CLNK: variants seen among roughly 807,000 people sequenced by gnomAD.
CLNK encodes cytokine dependent hematopoietic cell linker, also known as cytokine-dependent hematopoietic cell linker.
A neutral mutation model predicts 68.6 loss-of-function variants in CLNK; 74 were observed. The observed-to-expected ratio is 1.08, with a 90% CI of 0.89 to 1.31. The LOEUF (loss-of-function observed/expected upper bound fraction) is 1.31, where lower values mean the gene tolerates loss of function less well. Among genes scored for constraint, CLNK ranks in the 50% most tolerant of loss-of-function variants. The probability of loss-of-function intolerance (pLI) is 0.00; values close to 1 mark genes in which losing one functional copy is unlikely to be tolerated. For synonymous variants in CLNK, 198 were observed against 172.2 expected (o/e 1.15, Z -1.17); for missense variants, 553 against 515.3 (o/e 1.07, Z -0.71).
At chr4:10,679,970 G>C (rs1194169355) in intron 1 of CLNK, among the ~76,000 whole-genome samples, 1 of 152,018 alleles carries the variant, frequency 6.6e-6, no homozygotes, top group Non-Finnish European at 1.5e-5. Context: ...GATTCCTCAG[G>C]GATCTAGAAC....
chr4:10,633,076 T>C (rs1722951721), intron 2 of CLNK, among the ~76,000 whole-genome samples: 1 of 152,194 alleles, frequency 6.6e-6, no homozygotes, highest in Non-Finnish European at 1.5e-5. Context: ...TATCTGGGAT[T>C]ACAGGCATGT....
the CLNK span, among the ~76,000 whole-genome samples, chr4:10,704,691 C>T: frequency 2.0e-5 from 3 of 152,130 alleles, no homozygotes; most frequent in Non-Finnish European, 2.9e-5. Context: ...TCTTTGTGCC[C>T]ACAGGGTCAA....
intron 2 of CLNK, among the ~76,000 whole-genome samples, chr4:10,610,310 C>T (rs1721962572): frequency 1.3e-5 from 2 of 149,680 alleles, no homozygotes; most frequent in South Asian, 4.2e-4. Context: ...TCCCAAAGTG[C>T]TGGGATTACA....
chr4:10,674,069 C>T (rs1019013286), intron 1 of CLNK, among the ~76,000 whole-genome samples: 4 of 152,122 alleles, frequency 2.6e-5, no homozygotes, highest in Admixed American at 2.0e-4. Context: ...TTGTGGAACC[C>T]GGAGTCACAG....
At chr4:10,696,911 A>G in the CLNK span, among the ~76,000 whole-genome samples, 1 of 152,238 alleles carries the variant, frequency 6.6e-6, no homozygotes, top group Admixed American at 6.5e-5. Flanking sequence ...GCCCTTCCCC[A>G]GATCACTGAT....
chr4:10,671,395 A>AG (rs2108896167), intron 1 of CLNK, among the ~76,000 whole-genome samples: 1 of 152,182 alleles, frequency 6.6e-6, no homozygotes, highest in Admixed American at 6.5e-5. Context: ...TAAAAAAAAA[A>AG]AGAAGAAAGC....
Position 10,537,631 on chromosome 4 carries a change from TTCTTTC to T in CLNK, c.602+2857_602+2862del, listed in dbSNP as rs1452596409. On this transcript the variant is annotated intron_variant, in intron 11 of 18. Coordinates refer to ENST00000226951, the MANE Select transcript of CLNK (RefSeq NM_052964.4). ...TCCCTTTCTCTCTCTCTTTCTTTCT[TTCTTTC>T]TCTTTCTTTCTTTCTTTCTTTCTTT... Among the ~76,000 whole-genome samples, 552 of 136,612 alleles carry T rather than the reference TTCTTTC, an allele frequency of 4.0e-3. 10 individuals carry two copies. Among genetic ancestry groups the T allele is most frequent in the East Asian group, 0.012 (54 of 4,372 alleles). 89.6% of individuals were successfully genotyped at this position (136,612 alleles called of 152,430 possible).
chr4:10,726,478 T>G, the CLNK span, among the ~76,000 whole-genome samples: 3 of 152,134 alleles, frequency 2.0e-5, no homozygotes, highest in African/African-American at 7.2e-5. Context: ...TATAGTGGAT[T>G]AGGGGCCCAA....
chr4:10,542,138 G>A, intron 9 of CLNK, 97 bp from the exon 10 acceptor site: 2 of 1,242,302 alleles, frequency 1.6e-6, no homozygotes, highest in Non-Finnish European at 2.3e-6. Flanking sequence ...ATTACAAATT[G>A]TGATCAGACT....
At chr4:10,673,364 C>T (rs1009845978) in intron 1 of CLNK, among the ~76,000 whole-genome samples, 2 of 152,198 alleles carry the variant, frequency 1.3e-5, no homozygotes, top group Non-Finnish European at 2.9e-5. Context: ...CCCCAACTCC[C>T]CTTCTCTTGC....
chr4:10,698,117 T>G, the CLNK span, among the ~76,000 whole-genome samples: 1 of 152,196 alleles, frequency 6.6e-6, no homozygotes, highest in Admixed American at 6.5e-5. Flanking sequence ...CATGAACTAT[T>G]AACTCAGGAG....
chr4:10,722,968 T>C, the CLNK span, among the ~76,000 whole-genome samples: 2 of 152,012 alleles, frequency 1.3e-5, no homozygotes, highest in African/African-American at 2.4e-5. Flanking sequence ...AATAATTGCT[T>C]GAACCCGGGA....
chr4:10,652,970 C>T lies in CLNK; in HGVS notation c.11+14889G>A, dbSNP rs190961053. Among the ~76,000 whole-genome samples, 274 of 152,122 alleles carry T rather than the reference C, an allele frequency of 1.8e-3. 1 individual carries two copies. Among genetic ancestry groups the T allele is most frequent in the African/African-American group, 6.0e-3 (248 of 41,494 alleles). On this transcript the variant is annotated intron_variant, in intron 2 of 18. Transcript: ENST00000226951. ...TGCCCATCAATGATAGACTGGATAA[C>T]GAAAATAAGGCACATATATACCATG...
At chr4:10,594,257 C>T (rs1007537090) in intron 3 of CLNK, among the ~76,000 whole-genome samples, 2 of 152,162 alleles carry the variant, frequency 1.3e-5, no homozygotes, top group African/African-American at 2.4e-5. Context: ...AGCTCCTGCA[C>T]CCACCATTTC....
rs369683118 is a variant in CLNK, at chr4:10,490,429, G to A, written c.*38C>T. Reference sequence around the variant, plus strand: ...TGAAATCAATGAAAACAATGGAAGCGCTGAATCCAGTAAACCAAAGATAAC... The same window carrying A: ...TGAAATCAATGAAAACAATGGAAGCACTGAATCCAGTAAACCAAAGATAAC... On this transcript the variant is annotated 3_prime_UTR_variant, in exon 19 of 19. Transcript: ENST00000226951. 1.2e-5 allele frequency: 19 copies of A among 1,598,082 alleles called. No homozygotes were observed. Among genetic ancestry groups the A allele is most frequent in the East Asian group, 2.2e-5 (1 of 44,642 alleles).
intron 1 of CLNK, among the ~76,000 whole-genome samples, chr4:10,668,202 T>A (rs978468739): frequency 6.6e-6 from 1 of 152,198 alleles, no homozygotes; most frequent in African/African-American, 2.4e-5. Flanking sequence ...AATTGTGTGC[T>A]TCCCCTGGGC....
In CLNK at chr4:10,646,132, C is replaced by T. The variant is rs543293385; in HGVS notation, c.11+21727G>A. 5.3e-5 allele frequency among the ~76,000 whole-genome samples: 8 copies of T among 152,244 alleles called. No individual in the cohort carries two copies. In the East Asian group the frequency reaches 1.5e-3, roughly 29 times the overall value. On this transcript the variant is annotated intron_variant, in intron 2 of 18. Coordinates refer to ENST00000226951, the MANE Select transcript of CLNK (RefSeq NM_052964.4). ...TTATGGAGGAATTTAATTTAAATTTCAATTTGAGTGTGGGTATGTGAATTA... is the reference window on the plus strand; with the variant it reads ...TTATGGAGGAATTTAATTTAAATTTTAATTTGAGTGTGGGTATGTGAATTA...
At chr4:10,635,479 T>C (rs536451145) in intron 2 of CLNK, among the ~76,000 whole-genome samples, 1 of 152,268 alleles carries the variant, frequency 6.6e-6, no homozygotes, top group East Asian at 1.9e-4. Flanking sequence ...CTTGGGATAG[T>C]ATATTCTCCC....
the CLNK span, among the ~76,000 whole-genome samples, chr4:10,692,891 G>A: frequency 6.6e-6 from 1 of 152,202 alleles, no homozygotes; most frequent in Admixed American, 6.5e-5. Flanking sequence ...CCCAATTTAT[G>A]CCATATAATT....
Sources: gnomAD v4.1 joint callset for allele counts (sites outside exome capture counted in the v4.1 genomes callset) on GRCh38, gnomAD v4.1.1 for gene constraint, MANE v1.5 for transcripts, NCBI Gene and HGNC (gene_info 2026-07-23, HGNC 2026-07-21) for gene names.